The following COX10 variants were observed in gnomAD, a reference collection of about 807,000 sequenced individuals.
COX10 encodes protoheme IX farnesyltransferase, mitochondrial.
A neutral mutation model predicts 37.3 loss-of-function variants in COX10; 27 were observed. That is an observed-to-expected ratio of 0.72 (90% CI 0.53 to 1.00). The LOEUF (loss-of-function observed/expected upper bound fraction) is 1.00. COX10 is among the 50% of genes least tolerant of loss of function. The pLI, the probability that COX10 is intolerant of heterozygous loss-of-function variation, is 0.00. For synonymous variants in COX10, 222 were observed against 229.1 expected (o/e 0.97, Z 0.28); for missense variants, 475 against 563.2 (o/e 0.84, Z 1.59).
At chr17:14,173,980 C>T (rs536227131) in intron 5 of COX10, among the ~76,000 whole-genome samples, 1 of 152,160 alleles carries the variant, frequency 6.6e-6, no homozygotes, top group Non-Finnish European at 1.5e-5. Context: ...AGCCACAAAC[C>T]ATGCAAGAAA....
intron 3 of COX10, among the ~76,000 whole-genome samples, chr17:14,095,447 G>C (rs1392419861): frequency 6.6e-6 from 1 of 152,102 alleles, no homozygotes; most frequent in Non-Finnish European, 1.5e-5. Context: ...GTGGTTCCCT[G>C]AGTAAATTTT....
Position 14,207,968 on chromosome 17 carries a change from A to T in COX10, c.*755A>T, listed in dbSNP as rs899745912. The T allele has an allele frequency of 4.6e-5, 7 of 152,348 alleles. No individual in the cohort carries two copies. The highest frequency in any genetic ancestry group is 1.4e-4 in the African/African-American group (6 of 41,426). The allele number at this position is 152,348 out of a possible 1,614,324, so 9.4% of individuals were successfully genotyped here. A position where few individuals can be genotyped will look rare whatever the true frequency, so the allele number is the denominator to read the frequency against. The stretch of plus-strand genomic sequence containing the variant: ...GTTCCTTCTAAAAGGGTAGCCCTGG[A>T]CTTAATACCAGCCGGATACCTCTGG... On this transcript the variant is annotated 3_prime_UTR_variant, in exon 7 of 7. Transcript: ENST00000261643.
intron 2 of COX10, among the ~76,000 whole-genome samples, chr17:14,075,039 A>T (rs554288175): frequency 1.3e-5 from 2 of 152,230 alleles, no homozygotes; most frequent in African/African-American, 4.8e-5. Flanking sequence ...ATTTTCTCAG[A>T]TGGAAAAGGG....
chr17:14,118,571 A>G (rs1027362060), intron 4 of COX10, among the ~76,000 whole-genome samples: 2 of 152,172 alleles, frequency 1.3e-5, no homozygotes, highest in African/African-American at 4.8e-5. Context: ...CCATTTACTA[A>G]CACTTGATGG....
At chr17:14,199,892 C>T (rs192064464) in intron 6 of COX10, among the ~76,000 whole-genome samples, 3 of 152,142 alleles carry the variant, frequency 2.0e-5, no homozygotes, top group Non-Finnish European at 4.4e-5. Context: ...CCCCAGCTAG[C>T]CCCCAGTCTA....
At chr17:14,134,776 GTTT>G (rs201348544) in intron 4 of COX10, among the ~76,000 whole-genome samples, 1 of 142,160 alleles carries the variant, frequency 7.0e-6, no homozygotes, top group Non-Finnish European at 1.5e-5. Flanking sequence ...TGCCCTCGGT[GTTT>G]TTTTTTTTTT....
chr17:14,085,218 C>G (rs948592297), intron 3 of COX10, among the ~76,000 whole-genome samples: 3 of 152,030 alleles, frequency 2.0e-5, no homozygotes, highest in African/African-American at 7.3e-5. Context: ...TGATTCACTG[C>G]CATATTCAGT....
At chr17:14,160,597 A>G (rs764871312) in intron 5 of COX10, among the ~76,000 whole-genome samples, 15 of 152,212 alleles carry the variant, frequency 9.9e-5, no homozygotes, top group Non-Finnish European at 1.8e-4. Flanking sequence ...TCACGTTTCC[A>G]GGCAATGCCC....
At chr17:14,197,411 T>G (rs1437303812) in intron 6 of COX10, among the ~76,000 whole-genome samples, 1 of 152,210 alleles carries the variant, frequency 6.6e-6, no homozygotes, top group Non-Finnish European at 1.5e-5. Flanking sequence ...ACTCTAAGGA[T>G]GTTCCATGGG....
chr17:14,162,201 G>A (rs1235349072), intron 5 of COX10, among the ~76,000 whole-genome samples: 2 of 152,176 alleles, frequency 1.3e-5, no homozygotes, highest in East Asian at 3.8e-4. Flanking sequence ...CAAATGGATA[G>A]CATATACTTA....
intron 4 of COX10, among the ~76,000 whole-genome samples, chr17:14,107,564 G>A (rs1327863551): frequency 2.0e-5 from 3 of 150,366 alleles, no homozygotes; most frequent in Non-Finnish European, 3.0e-5. Context: ...GTTCCCATGA[G>A]ACAAGTAGAG....
In COX10 at chr17:14,106,788, A is replaced by T. The variant is rs548713817; in HGVS notation, c.624+4546A>T. ...TTGGCCATTTAGGGGTTTTTTGGTC[A>T]GTTGTTTGCTGGTGAGTTTGCCTGT... On this transcript the variant is annotated intron_variant, in intron 4 of 6. Coordinates refer to ENST00000261643, the MANE Select transcript of COX10 (RefSeq NM_001303.4). 2.0e-5 allele frequency among the ~76,000 whole-genome samples: 3 copies of T among 152,050 alleles called. No homozygotes were observed. The East Asian group carries it at 5.8e-4, about 29-fold the overall frequency.
chr17:14,154,505 G>A (rs1375789102), intron 4 of COX10, among the ~76,000 whole-genome samples: 2 of 152,152 alleles, frequency 1.3e-5, no homozygotes, highest in Non-Finnish European at 2.9e-5. Flanking sequence ...ACCTCTAAGT[G>A]GTTCAGACAA....
chr17:14,078,154 G>A (rs531559733), intron 3 of COX10, among the ~76,000 whole-genome samples: 7 of 152,106 alleles, frequency 4.6e-5, no homozygotes, highest in Non-Finnish European at 1.0e-4. Flanking sequence ...TTGAAAACAT[G>A]TCTCAGTGGT....
At chr17:14,190,984 T>C (rs1427327287) in intron 5 of COX10, among the ~76,000 whole-genome samples, 1 of 152,152 alleles carries the variant, frequency 6.6e-6, no homozygotes, top group African/African-American at 2.4e-5. Context: ...AGAAACGTGT[T>C]GTGGAATCTG....
At chr17:14,200,071 G>C (rs1239297178) in intron 6 of COX10, among the ~76,000 whole-genome samples, 1 of 152,138 alleles carries the variant, frequency 6.6e-6, no homozygotes, top group Non-Finnish European at 1.5e-5. Flanking sequence ...GCCATGCGTG[G>C]ATGGTGAGTG....
At chr17:14,119,201 C>A (rs1198661082) in intron 4 of COX10, among the ~76,000 whole-genome samples, 3 of 152,124 alleles carry the variant, frequency 2.0e-5, no homozygotes, top group Non-Finnish European at 4.4e-5. Context: ...TTACAGGCCT[C>A]CTCTCTGCTC....
intron 3 of COX10, among the ~76,000 whole-genome samples, chr17:14,097,258 C>G (rs1915671502): frequency 6.6e-6 from 1 of 151,024 alleles, no homozygotes; most frequent in Non-Finnish European, 1.5e-5. Flanking sequence ...TCCTCACTGC[C>G]TTTTTCAAAT....
chr17:14,168,818 A>G (rs1905367620), intron 5 of COX10, among the ~76,000 whole-genome samples: 3 of 152,250 alleles, frequency 2.0e-5, no homozygotes, highest in South Asian at 2.1e-4. Context: ...TTTCACTCCT[A>G]TGCCTCTGGG....
Sources: gnomAD v4.1 joint callset for allele counts (sites outside exome capture counted in the v4.1 genomes callset) on GRCh38, gnomAD v4.1.1 for gene constraint, MANE v1.5 for transcripts, NCBI Gene and HGNC (gene_info 2026-07-23, HGNC 2026-07-21) for gene names.